Variants in SV2C observed in about 807,000 individuals in gnomAD.
SV2C encodes the protein solute carrier family 22 member B3.
In SV2C, 49 loss-of-function variants were observed where a neutral mutation model predicts 79.7. The observed-to-expected ratio is 0.61, with a 90% CI of 0.49 to 0.78. The LOEUF is 0.78. SV2C is among the 30% of genes least tolerant of loss of function. The pLI is 0.00. For synonymous variants in SV2C, 334 were observed against 333.2 expected (o/e 1.00, Z -0.03); for missense variants, 833 against 912.9 (o/e 0.91, Z 1.13).
chr5:75,895,526 G>A, the SV2C span, among the ~76,000 whole-genome samples: 2 of 152,096 alleles, frequency 1.3e-5, no homozygotes, highest in Non-Finnish European at 2.9e-5. Context: ...ATGATGGTGG[G>A]GAATTGCCTC....
the SV2C span, among the ~76,000 whole-genome samples, chr5:76,042,248 G>A: frequency 4.6e-5 from 7 of 152,174 alleles, no homozygotes; most frequent in African/African-American, 9.7e-5. Context: ...TAAGGTTACA[G>A]GCTTTCAACT....
chr5:76,017,706 C>T, the SV2C span, among the ~76,000 whole-genome samples: 6 of 152,124 alleles, frequency 3.9e-5, no homozygotes, highest in Admixed American at 6.6e-5. Context: ...TGTTTTTAGG[C>T]GTGTGTTTCC....
intron 2 of SV2C, among the ~76,000 whole-genome samples, chr5:76,148,201 T>C (rs970168679): frequency 1.1e-4 from 16 of 152,310 alleles, no homozygotes; most frequent in African/African-American, 3.8e-4. Context: ...GCTTTTGATA[T>C]GTCACTATAT....
At chr5:76,109,248 A>G (rs1399367822) in intron 1 of SV2C, among the ~76,000 whole-genome samples, 1 of 152,190 alleles carries the variant, frequency 6.6e-6, no homozygotes. Flanking sequence ...TCTTCTTTCT[A>G]GTCTAATATC....
At chr5:76,213,186 CAT>C (rs1466187273) in intron 4 of SV2C, among the ~76,000 whole-genome samples, 2 of 151,662 alleles carry the variant, frequency 1.3e-5, no homozygotes, top group Non-Finnish European at 2.9e-5. Context: ...GCAAAAAAAA[CAT>C]ATATTTCATT....
chr5:76,113,717 A>G (rs907650601), intron 1 of SV2C, among the ~76,000 whole-genome samples: 9 of 152,216 alleles, frequency 5.9e-5, no homozygotes, highest in Non-Finnish European at 1.3e-4. Context: ...TAAGGAATTA[A>G]GAGAGAAATA....
intron 4 of SV2C, among the ~76,000 whole-genome samples, chr5:76,244,713 G>T (rs1411275222): frequency 6.6e-6 from 1 of 152,142 alleles, no homozygotes; most frequent in Non-Finnish European, 1.5e-5. Flanking sequence ...TCATATTCAA[G>T]TTGATCCAAA....
the SV2C span, among the ~76,000 whole-genome samples, chr5:75,961,055 G>A: frequency 8.6e-5 from 13 of 151,866 alleles, no homozygotes; most frequent in African/African-American, 2.7e-4. Flanking sequence ...CATATGCCAC[G>A]TATCTAAATA....
rs148714416 is a variant in SV2C, at chr5:76,154,605, C to T, written c.580+22275C>T. ...TGTACTCTGCAGACTCTACGGACACCTGGAACCCTTAAGAGTAGATGTGAA... is the reference window on the plus strand; with the variant it reads ...TGTACTCTGCAGACTCTACGGACACTTGGAACCCTTAAGAGTAGATGTGAA... On this transcript the variant is annotated intron_variant, in intron 2 of 12. Transcript: ENST00000502798. 1.9e-3 allele frequency among the ~76,000 whole-genome samples: 295 copies of T among 152,286 alleles called. 1 individual carries two copies. The highest frequency in any genetic ancestry group is 7.0e-3 in the African/African-American group (291 of 41,566).
the SV2C span, among the ~76,000 whole-genome samples, chr5:75,884,267 C>T: frequency 6.6e-6 from 1 of 152,052 alleles, no homozygotes; most frequent in Admixed American, 6.6e-5. Context: ...CTTTTGCCAA[C>T]GTGGTAATTT....
At chr5:76,028,530 T>C in the SV2C span, among the ~76,000 whole-genome samples, 1 of 152,230 alleles carries the variant, frequency 6.6e-6, no homozygotes, top group Non-Finnish European at 1.5e-5. Context: ...GAAAATGTCT[T>C]CTCTTGTTTA....
rs556296499 is a variant in SV2C, at chr5:76,352,507, C to T, written c.2001-623C>T. On this transcript the variant is annotated intron_variant, in intron 12 of 12. Transcript: ENST00000322285. ...AGGTTTGTCATAAAAGCTAGTTCAG[C>T]CCCCTCTTTCTCTCTCTTGGACTTT... Among the ~76,000 whole-genome samples the T allele has an allele frequency of 4.6e-5, 7 of 152,316 alleles. No homozygotes were observed. The South Asian group carries it at 1.5e-3, about 32-fold the overall frequency.
chr5:76,302,182 G>A (rs1748030256), intron 12 of SV2C, among the ~76,000 whole-genome samples: 1 of 152,182 alleles, frequency 6.6e-6, no homozygotes, highest in African/African-American at 2.4e-5. Context: ...CACATTTTAA[G>A]TGGCTAACCA....
intron 12 of SV2C, among the ~76,000 whole-genome samples, chr5:76,347,979 A>G (rs1375454617): frequency 1.3e-5 from 2 of 152,154 alleles, no homozygotes; most frequent in East Asian, 1.9e-4. Flanking sequence ...TGCACAGTCT[A>G]TGGGTTTGGA....
the SV2C span, among the ~76,000 whole-genome samples, chr5:76,036,820 C>G: frequency 6.3e-4 from 96 of 152,280 alleles, 3 homozygotes; most frequent in East Asian, 0.01. Context: ...AGTTCTCCTG[C>G]ATAATATCCT....
chr5:76,066,630 G>T, the SV2C span, among the ~76,000 whole-genome samples: 1 of 151,796 alleles, frequency 6.6e-6, no homozygotes, highest in Non-Finnish European at 1.5e-5. Flanking sequence ...GAAAAAAAAA[G>T]AACCAGAATT....
At chr5:75,857,393 A>T in the SV2C span, among the ~76,000 whole-genome samples, 14 of 151,902 alleles carry the variant, frequency 9.2e-5, no homozygotes, top group Admixed American at 3.3e-4. Context: ...TGTTCTTGGC[A>T]TTTTTGTCAA....
At chr5:76,004,879 A>G in the SV2C span, among the ~76,000 whole-genome samples, 3 of 152,188 alleles carry the variant, frequency 2.0e-5, no homozygotes, top group Admixed American at 6.5e-5. Context: ...CAAAGCCTCT[A>G]CCTGGAATAA....
the SV2C span, among the ~76,000 whole-genome samples, chr5:75,857,246 C>T: frequency 2.6e-3 from 402 of 152,160 alleles, no homozygotes; most frequent in Middle Eastern, 6.8e-3. Flanking sequence ...TGTGAGCCAC[C>T]GCGCCCGGCC....
Sources: gnomAD v4.1 joint callset for allele counts (sites outside exome capture counted in the v4.1 genomes callset) on GRCh38, gnomAD v4.1.1 for gene constraint, MANE v1.5 for transcripts, NCBI Gene and HGNC (gene_info 2026-07-23, HGNC 2026-07-21) for gene names.